The following KLF15 variants were observed in gnomAD, a reference collection of about 807,000 sequenced individuals.
KLF15 encodes the protein Krueppel-like factor 15.
KLF15 carries 4 observed loss-of-function variants against 24.6 expected under a neutral mutation model. The observed-to-expected ratio is 0.16, with a 90% CI of 0.08 to 0.37. The LOEUF (loss-of-function observed/expected upper bound fraction) is 0.37. Ranked by LOEUF, KLF15 falls within the 10% of genes least tolerant of loss-of-function variation. The pLI, the probability that KLF15 is intolerant of heterozygous loss-of-function variation, is 1.00. For missense variants in KLF15, 496 were observed against 560.6 expected (o/e 0.88, Z 1.16); for synonymous variants, 246 against 236.3 (o/e 1.04, Z -0.37).
At chr3:126,292,819 C>A in the KLF15 span, among the ~76,000 whole-genome samples, 2 of 151,912 alleles carry the variant, frequency 1.3e-5, no homozygotes, top group African/African-American at 4.8e-5. Context: ...GCAGGAGGGG[C>A]AGAGGAGGCT....
chr3:126,323,418 T>C, the KLF15 span, among the ~76,000 whole-genome samples: 522 of 29,266 alleles, frequency 0.018, 25 homozygotes, highest in African/African-American at 0.053. Context: ...TATATATATA[T>C]ATATATATAT....
At chr3:126,350,075 G>A (rs1351460208) in intron 2 of KLF15, among the ~76,000 whole-genome samples, 1 of 152,220 alleles carries the variant, frequency 6.6e-6, no homozygotes, top group Non-Finnish European at 1.5e-5. Context: ...CCACCCCAAA[G>A]GCACATGACA....
chr3:126,341,736 G>C (rs1374510941), downstream of KLF15, among the ~76,000 whole-genome samples: 1 of 152,188 alleles, frequency 6.6e-6, no homozygotes, highest in Non-Finnish European at 1.5e-5. Context: ...GCCCATGGGT[G>C]CCCTACCCCC....
the KLF15 span, among the ~76,000 whole-genome samples, chr3:126,316,307 G>A: frequency 6.6e-6 from 1 of 151,662 alleles, no homozygotes; most frequent in East Asian, 1.9e-4. Context: ...GGAGTGCAAG[G>A]GCTGGAGTGG....
the KLF15 span, among the ~76,000 whole-genome samples, chr3:126,320,026 GGGGGATCAGTGTAGACCA>G: frequency 1.3e-5 from 2 of 152,310 alleles, no homozygotes; most frequent in South Asian, 2.1e-4. Flanking sequence ...GGCTGGAGCA[GGGGGATCAGTGTAGACCA>G]GGCTTAAGCA....
At chr3:126,302,517 A>G in the KLF15 span, among the ~76,000 whole-genome samples, 1 of 152,142 alleles carries the variant, frequency 6.6e-6, no homozygotes, top group African/African-American at 2.4e-5. Context: ...AGATTTATCT[A>G]TTTGTCCTTG....
chr3:126,303,664 A>G, the KLF15 span, among the ~76,000 whole-genome samples: 7 of 151,004 alleles, frequency 4.6e-5, no homozygotes, highest in Non-Finnish European at 1.0e-4. Context: ...TTGCATCTGT[A>G]GATTAATTGT....
chr3:126,328,714 C>A, the KLF15 span, among the ~76,000 whole-genome samples: 4 of 152,204 alleles, frequency 2.6e-5, no homozygotes, highest in African/African-American at 9.7e-5. Context: ...CTCTTTCCCC[C>A]ATGCTTGGAT....
At chr3:126,353,944 T>A (rs1306494987) in intron 1 of KLF15, 1 of 152,280 alleles carries the variant, frequency 6.6e-6, no homozygotes, top group Non-Finnish European at 1.5e-5. Flanking sequence ...CCCCAGCCCA[T>A]CCTGACCAAT....
the KLF15 span, among the ~76,000 whole-genome samples, chr3:126,335,711 G>A: frequency 1.5e-5 from 2 of 132,782 alleles, no homozygotes; most frequent in Middle Eastern, 3.7e-3. Context: ...AAGCTGATAA[G>A]CAACTTCAGC....
chr3:126,351,647 C>A (rs1449700438), intron 2 of KLF15, among the ~76,000 whole-genome samples, 194 bp downstream of exon 2: 1 of 152,220 alleles, frequency 6.6e-6, no homozygotes, highest in Non-Finnish European at 1.5e-5. Flanking sequence ...CAGTTGGCTT[C>A]CGGCTTCAGG....
chr3:126,313,268 AACCCTGCTG>A, the KLF15 span, among the ~76,000 whole-genome samples: 1 of 152,188 alleles, frequency 6.6e-6, no homozygotes, highest in Non-Finnish European at 1.5e-5. Flanking sequence ...GGGAGAATCC[AACCCTGCTG>A]ACGCATTGAC....
the KLF15 span, among the ~76,000 whole-genome samples, chr3:126,316,663 G>T: frequency 7.0e-6 from 1 of 142,874 alleles, no homozygotes; most frequent in Non-Finnish European, 1.5e-5. Flanking sequence ...GGAAGGGAGT[G>T]CACAGGCTGG....
chr3:126,323,915 C>T, the KLF15 span, among the ~76,000 whole-genome samples: 1 of 151,740 alleles, frequency 6.6e-6, no homozygotes, highest in South Asian at 2.1e-4. Flanking sequence ...CTTTTTATGG[C>T]TGCACAGTAT....
the KLF15 span, among the ~76,000 whole-genome samples, chr3:126,323,760 A>G: frequency 2.3e-5 from 3 of 129,408 alleles, no homozygotes; most frequent in African/African-American, 8.9e-5. Flanking sequence ...TATTTTGGGT[A>G]CCATTATAAA....
Position 126,352,241 on chromosome 3 carries a change from C to A in KLF15, c.682G>T (p.Val228Leu). ...PVLLQIQPVP[V>L]KQESGTGPAS... ...GGCCCTGTGCCCGATTCCTGCTTCA[C>A]AGGCACGGGCTGGATCTGCAGCAAC... Residue 228 changes from valine to leucine, a missense_variant, in exon 2 of 3, where the codon GTG (valine) becomes TTG (leucine). Val to Leu is a conservative substitution (Grantham distance 32). Transcript: ENST00000296233. 4 of 1,536,256 alleles carry A rather than the reference C, an allele frequency of 2.6e-6. No homozygotes were observed. The highest frequency in any genetic ancestry group is 3.5e-6 in the Non-Finnish European group (4 of 1,144,042).
At chr3:126,348,888 T>C (rs1024803894) in intron 2 of KLF15, among the ~76,000 whole-genome samples, 1 of 152,140 alleles carries the variant, frequency 6.6e-6, no homozygotes, top group Non-Finnish European at 1.5e-5. Flanking sequence ...GAGCTCCCCA[T>C]GGCAGGAAGT....
downstream of KLF15, among the ~76,000 whole-genome samples, chr3:126,337,898 T>C (rs2082450552): frequency 1.3e-5 from 2 of 152,152 alleles, no homozygotes; most frequent in African/African-American, 2.4e-5. Flanking sequence ...TGAAGGTGCT[T>C]TCAAGGCGGG....
chr3:126,326,943 A>G, the KLF15 span, among the ~76,000 whole-genome samples: 1 of 152,200 alleles, frequency 6.6e-6, no homozygotes, highest in Non-Finnish European at 1.5e-5. Context: ...CGGATAGTGC[A>G]AACATTCTTG....
Sources: allele counts gnomAD v4.1 joint callset (sites outside exome capture counted in the v4.1 genomes callset), GRCh38; gene constraint gnomAD v4.1.1; transcripts MANE v1.5; gene names NCBI Gene and HGNC (gene_info 2026-07-23, HGNC 2026-07-21).